DMD: variants seen among roughly 807,000 people sequenced by gnomAD.
DMD encodes the protein dystrophin, also known as mutant dystrophin.
In DMD, 63 loss-of-function variants were observed where a neutral mutation model predicts 330.1. That is an observed-to-expected ratio of 0.19 (90% confidence interval 0.16 to 0.24). The LOEUF is 0.24. DMD is among the 10% of genes least tolerant of loss of function. The probability of loss-of-function intolerance (pLI) is 1.00; values close to 1 mark genes in which losing one functional copy is unlikely to be tolerated. For missense variants in DMD, 3,344 were observed against 2,684.1 expected (o/e 1.25, Z -5.43); for synonymous variants, 1,223 against 959.8 (o/e 1.27, Z -5.07).
At chrX:33,074,259 CT>C (rs1193128294) in intron 1 of DMD, among the ~76,000 whole-genome samples, 1 of 111,324 alleles carries the variant, frequency 9.0e-6, no homozygotes, top group Non-Finnish European at 1.9e-5. Context: ...TGTCACTTTA[CT>C]TTTTTTTGTC....
intron 67 of DMD, among the ~76,000 whole-genome samples, chrX:31,195,059 A>T (rs2042745345): frequency 8.9e-6 from 1 of 112,039 alleles, no homozygotes. Flanking sequence ...TCTTTGTGAG[A>T]CAAGAAGAAG....
intron 44 of DMD, among the ~76,000 whole-genome samples, chrX:32,020,768 T>C (rs2095800864): frequency 8.9e-6 from 1 of 112,613 alleles, no homozygotes; most frequent in African/African-American, 3.2e-5. Context: ...TTGAAATTTT[T>C]ATATACAAAC....
chrX:32,744,604 C>T (rs1314015310), intron 7 of DMD, among the ~76,000 whole-genome samples: 1 of 111,162 alleles, frequency 9.0e-6, no homozygotes, highest in African/African-American at 3.3e-5. Flanking sequence ...CTCCAAACCT[C>T]GTTATTTAAA....
intron 2 of DMD, among the ~76,000 whole-genome samples, chrX:32,917,353 A>G (rs774132703): frequency 1.4e-4 from 16 of 111,736 alleles, no homozygotes; most frequent in Admixed American, 8.6e-4. Flanking sequence ...GAACTAATAC[A>G]ACATGTAACA....
At chrX:32,146,498 T>C (rs1010757708) in intron 44 of DMD, among the ~76,000 whole-genome samples, 5 of 111,694 alleles carry the variant, frequency 4.5e-5, no homozygotes, top group African/African-American at 1.3e-4. Context: ...TGTCCTATTA[T>C]TTAACTTCCC....
At chrX:32,715,469 C>CAAAAAAAAAAAAAA (rs61325834) in intron 7 of DMD, among the ~76,000 whole-genome samples, 2 of 17,214 alleles carry the variant, frequency 1.2e-4, no homozygotes, top group Non-Finnish European at 2.4e-4. Context: ...GAGATTCCAT[C>CAAAAAAAAAAAAAA]AAAAAAAAAA....
At chrX:33,127,096 C>G (rs1017103542) in intron 1 of DMD, among the ~76,000 whole-genome samples, 1 of 110,338 alleles carries the variant, frequency 9.1e-6, no homozygotes, top group East Asian at 2.8e-4. Context: ...AGACTTTTAA[C>G]TTTGGATTGT....
At chrX:32,687,349 A>G (rs1480993696) in intron 9 of DMD, among the ~76,000 whole-genome samples, 3 of 112,015 alleles carry the variant, frequency 2.7e-5, no homozygotes, top group African/African-American at 9.7e-5. Context: ...TGGATACAAT[A>G]TGTTTCATCT....
chrX:32,753,503 C>T (rs746652540), intron 7 of DMD, among the ~76,000 whole-genome samples: 1 of 111,685 alleles, frequency 9.0e-6, no homozygotes, highest in East Asian at 2.8e-4. Context: ...ACCACAAACC[C>T]TCTGCACTGC....
intron 52 of DMD, among the ~76,000 whole-genome samples, chrX:31,727,159 T>C (rs1488885572): frequency 1.8e-5 from 2 of 112,339 alleles, no homozygotes; most frequent in African/African-American, 6.5e-5. Context: ...ACTCTCTGTA[T>C]AGTATGTTCA....
At chrX:32,253,377 T>C (rs1420541673) in intron 43 of DMD, among the ~76,000 whole-genome samples, 2 of 110,748 alleles carry the variant, frequency 1.8e-5, no homozygotes, top group African/African-American at 3.3e-5. Flanking sequence ...CAAAAAATAC[T>C]GTGTGCTATT....
intron 1 of DMD, among the ~76,000 whole-genome samples, chrX:33,329,083 T>C (rs2148962267): frequency 8.9e-6 from 1 of 112,123 alleles, no homozygotes; most frequent in Admixed American, 9.5e-5. Context: ...AGAATTACTT[T>C]CTTTAATCTA....
intron 52 of DMD, among the ~76,000 whole-genome samples, chrX:31,701,985 A>G (rs190163100): frequency 4.7e-4 from 53 of 112,883 alleles, no homozygotes; most frequent in Non-Finnish European, 9.0e-4. Context: ...TGTAGGTGAT[A>G]GCAGTGACCT....
intron 2 of DMD, among the ~76,000 whole-genome samples, chrX:32,938,854 A>G (rs752212210): frequency 1.8e-5 from 2 of 111,102 alleles, no homozygotes; most frequent in East Asian, 2.8e-4. Context: ...TTATAGGAAA[A>G]TAATTTGTAA....
chrX:32,373,301 C>A (rs1027499454), intron 34 of DMD, among the ~76,000 whole-genome samples: 1 of 108,799 alleles, frequency 9.2e-6, no homozygotes, highest in Non-Finnish European at 1.9e-5. Flanking sequence ...AAATGTCAAA[C>A]CTCTGATACT....
chrX:31,434,331 T>A (rs2064306661), intron 60 of DMD, among the ~76,000 whole-genome samples: 1 of 109,225 alleles, frequency 9.2e-6, no homozygotes, highest in Admixed American at 9.9e-5. Context: ...CTTGTCTTCA[T>A]CCTTCAGATC....
intron 17 of DMD, among the ~76,000 whole-genome samples, chrX:32,531,988 G>C (rs1184280716): frequency 1.8e-5 from 2 of 110,615 alleles, no homozygotes; most frequent in Non-Finnish European, 3.8e-5. Context: ...TATTACCTTG[G>C]AATTTCCCTT....
intron 2 of DMD, among the ~76,000 whole-genome samples, chrX:32,902,172 C>CACACAA (rs1203533218): frequency 1.5e-4 from 16 of 103,783 alleles, no homozygotes; most frequent in Admixed American, 1.3e-3. Flanking sequence ...CACACACACA[C>CACACAA]ACACACACAC....
At chrX:31,729,308 T>C (rs1170163756) in intron 52 of DMD, among the ~76,000 whole-genome samples, 6 of 111,393 alleles carry the variant, frequency 5.4e-5, no homozygotes, top group Non-Finnish European at 9.4e-5. Flanking sequence ...GGCATCTCCA[T>C]GGATGCCAGC....
Sources: allele counts gnomAD v4.1 joint callset (sites outside exome capture counted in the v4.1 genomes callset), GRCh38; gene constraint gnomAD v4.1.1; transcripts MANE v1.5; gene names NCBI Gene and HGNC (gene_info 2026-07-23, HGNC 2026-07-21).